The following RBFOX1 variants were observed in gnomAD, a reference collection of about 807,000 sequenced individuals.
RBFOX1 encodes the protein RNA binding fox-1 homolog 1.
Under a neutral mutation model 57.7 loss-of-function variants are expected in RBFOX1, and 8 were observed. The ratio of observed to expected loss-of-function variants is 0.14; its 90% CI spans 0.08 to 0.25. The LOEUF (loss-of-function observed/expected upper bound fraction) is 0.25. Ranked by LOEUF, RBFOX1 falls within the 10% of genes least tolerant of loss-of-function variation. The probability of loss-of-function intolerance (pLI) is 1.00; values close to 1 mark genes in which losing one functional copy is unlikely to be tolerated. For missense variants in RBFOX1, 611 were observed against 548.5 expected, an observed-to-expected ratio of 1.11 and a Z score of -1.14; for synonymous variants, 326 against 222.4, an observed-to-expected ratio of 1.47 and a Z score of -4.15.
chr16:6,442,710 A>G (rs2094410202), intron 2 of RBFOX1, among the ~76,000 whole-genome samples: 1 of 152,132 alleles, frequency 6.6e-6, no homozygotes, highest in African/African-American at 2.4e-5. Context: ...TTCTCTTTGT[A>G]ATTCCCAACA....
intron 3 of RBFOX1, among the ~76,000 whole-genome samples, chr16:6,840,889 A>G (rs2093421757): frequency 7.4e-6 from 1 of 135,962 alleles, no homozygotes; most frequent in African/African-American, 2.9e-5. Flanking sequence ...CTCTGTCTCA[A>G]AAAAAAAAAA....
chr16:6,854,587 ATTTT>A lies in RBFOX1; in HGVS notation c.-15-197448_-15-197445del, dbSNP rs71147611. ...CCTCCCTGCCAACTAGGAGAGGTGA[ATTTT>A]TTTTTTTTTTTTTTTTTTTTTGAGA... On this transcript the variant is annotated intron_variant, in intron 3 of 15. Transcript: ENST00000550418. Among the ~76,000 whole-genome samples, 6 of 70,640 alleles carry A rather than the reference ATTTT, an allele frequency of 8.5e-5. No individual in the cohort carries two copies. The East Asian group carries it at 2.0e-3, about 24-fold the overall frequency. The allele number at this position is 70,640 out of a possible 152,430, so 46.3% of individuals were successfully genotyped here.
At chr16:6,673,239 C>G (rs760008094) in intron 3 of RBFOX1, among the ~76,000 whole-genome samples, 1 of 152,278 alleles carries the variant, frequency 6.6e-6, no homozygotes, top group South Asian at 2.1e-4. Context: ...TATCCACTCT[C>G]TGATCCCAAA....
intron 4 of RBFOX1, among the ~76,000 whole-genome samples, chr16:7,147,265 A>G (rs1381579112): frequency 6.6e-6 from 1 of 151,410 alleles, no homozygotes; most frequent in Non-Finnish European, 1.5e-5. Context: ...TCAGCCTCCC[A>G]AAGTGCTGGG....
chr16:5,523,784 C>G (rs920687476), intron 2 of RBFOX1, among the ~76,000 whole-genome samples: 1 of 152,150 alleles, frequency 6.6e-6, no homozygotes, highest in African/African-American at 2.4e-5. Flanking sequence ...TTTCCTCTTA[C>G]TGCCTCCAAG....
chr16:6,972,755 C>G (rs1340193668), intron 3 of RBFOX1, among the ~76,000 whole-genome samples: 1 of 152,028 alleles, frequency 6.6e-6, no homozygotes, highest in Non-Finnish European at 1.5e-5. Context: ...AGGGGAAACA[C>G]AAGGGAGGCT....
intron 4 of RBFOX1, among the ~76,000 whole-genome samples, chr16:7,410,432 A>G (rs754042178): frequency 2.6e-5 from 4 of 152,216 alleles, no homozygotes; most frequent in Non-Finnish European, 4.4e-5. Context: ...CTGTAATCCC[A>G]GCACTTTGGG....
chr16:6,169,507 T>A (rs2096942573), intron 1 of RBFOX1, among the ~76,000 whole-genome samples: 1 of 152,126 alleles, frequency 6.6e-6, no homozygotes, highest in Non-Finnish European at 1.5e-5. Context: ...GATTCCTGAA[T>A]CAGGCAGCCC....
rs372256773 is a variant in RBFOX1 at position 6,758,401 on chromosome 16, A to G, written c.-16+103751A>G. ...TCAAGAGATTAACCAGACCAAAGCTATTTGTCATAGCAACGGGTGCTAGAG... is the reference window on the plus strand; with the variant it reads ...TCAAGAGATTAACCAGACCAAAGCTGTTTGTCATAGCAACGGGTGCTAGAG... On this transcript the variant is annotated intron_variant, in intron 3 of 15. Transcript: ENST00000550418. Among the ~76,000 whole-genome samples the G allele has an allele frequency of 2.0e-4, 31 of 152,292 alleles. 1 individual carries two copies. The East Asian group carries it at 2.9e-3, about 14-fold the overall frequency.
chr16:5,345,536 G>A (rs9935121), intron 1 of RBFOX1, among the ~76,000 whole-genome samples: 18,603 of 152,196 alleles, frequency 0.12, 2,889 homozygotes, highest in African/African-American at 0.37. Context: ...GTGGGTTCTG[G>A]CTACATTTGG....
At chr16:5,727,183 C>G (rs1211334678) in intron 3 of RBFOX1, among the ~76,000 whole-genome samples, 1 of 152,086 alleles carries the variant, frequency 6.6e-6, no homozygotes, top group South Asian at 2.1e-4. Flanking sequence ...AGGAGAATTG[C>G]TTGAAGTGAA....
At chr16:7,184,262 T>G (rs11077141) in intron 4 of RBFOX1, among the ~76,000 whole-genome samples, 86,595 of 152,016 alleles carry the variant, frequency 0.57, 25,241 homozygotes, top group African/African-American at 0.7. Flanking sequence ...GGGTTGAATT[T>G]TAGTTTTAGG....
chr16:6,043,738 A>G (rs2095467224), intron 1 of RBFOX1, among the ~76,000 whole-genome samples: 1 of 152,034 alleles, frequency 6.6e-6, no homozygotes. Flanking sequence ...TGGAAGGAGA[A>G]CTCCAGGGGC....
intron 3 of RBFOX1, among the ~76,000 whole-genome samples, chr16:7,036,776 G>A (rs908327290): frequency 2.0e-5 from 3 of 151,834 alleles, no homozygotes; most frequent in Non-Finnish European, 2.9e-5. Flanking sequence ...ATAGAGTAAA[G>A]TGAAAGCAAG....
At chr16:7,209,161 AAT>A (rs2090608836) in intron 4 of RBFOX1, among the ~76,000 whole-genome samples, 1 of 143,874 alleles carries the variant, frequency 7.0e-6, no homozygotes, top group African/African-American at 2.7e-5. Flanking sequence ...TAATAATAAT[AAT>A]AATAATAATA....
intron 3 of RBFOX1, among the ~76,000 whole-genome samples, chr16:6,821,135 A>G (rs1333853307): frequency 6.6e-6 from 1 of 152,204 alleles, no homozygotes; most frequent in African/African-American, 2.4e-5. Context: ...GATGAGATTC[A>G]GTGCCAGGTT....
intron 1 of RBFOX1, among the ~76,000 whole-genome samples, chr16:6,143,867 C>T (rs2096737463): frequency 6.6e-6 from 1 of 151,914 alleles, no homozygotes; most frequent in Non-Finnish European, 1.5e-5. Context: ...GCATTCACTG[C>T]TCACTGCAGC....
chr16:7,088,491 T>G (rs1281767331), intron 4 of RBFOX1, among the ~76,000 whole-genome samples: 1 of 152,182 alleles, frequency 6.6e-6, no homozygotes, highest in Non-Finnish European at 1.5e-5. Context: ...AAAGGTAGAT[T>G]TACATGCACT....
chr16:6,829,640 C>T (rs1300654439), intron 3 of RBFOX1, among the ~76,000 whole-genome samples: 1 of 152,020 alleles, frequency 6.6e-6, no homozygotes, highest in Non-Finnish European at 1.5e-5. Flanking sequence ...CTCGCTCTGT[C>T]ACCCATACGG....
Sources: allele counts gnomAD v4.1 joint callset (sites outside exome capture counted in the v4.1 genomes callset), GRCh38; gene constraint gnomAD v4.1.1; transcripts MANE v1.5; gene names NCBI Gene and HGNC (gene_info 2026-07-23, HGNC 2026-07-21).